The following PCDHA7 variants were observed in gnomAD, a reference collection of about 807,000 sequenced individuals.
The protein encoded by PCDHA7 is protocadherin alpha-7.
Under a neutral mutation model 57.2 loss-of-function variants are expected in PCDHA7, and 37 were observed. The ratio of observed to expected loss-of-function variants is 0.65; its 90% CI spans 0.50 to 0.85. PCDHA7 has a LOEUF of 0.85. PCDHA7 is among the 40% of genes least tolerant of loss of function. The pLI, the probability that PCDHA7 is intolerant of heterozygous loss-of-function variation, is 0.00. For missense variants in PCDHA7, 1,188 were observed against 1,241.8 expected (o/e 0.96, Z 0.65); for synonymous variants, 553 against 558.8 (o/e 0.99, Z 0.15).
intron 1 of PCDHA7, chr5:140,856,542 C>T (rs1229307542): frequency 6.3e-7 from 1 of 1,598,136 alleles, no homozygotes; most frequent in Non-Finnish European, 8.6e-7. Flanking sequence ...GGAGAGAACG[C>T]ATTGCTTACT....
chr5:140,914,185 C>G (rs1183431482), intron 1 of PCDHA7, among the ~76,000 whole-genome samples: 1 of 152,130 alleles, frequency 6.6e-6, no homozygotes, highest in Non-Finnish European at 1.5e-5. Flanking sequence ...AATTCTCCAC[C>G]TATTATTGTA....
At position 140,978,930 on chromosome 5, in the gene PCDHA7, T is replaced by C; in HGVS notation, c.2356-19T>C. On this transcript the variant is annotated intron_variant, in intron 1 of 3. Transcript: ENST00000525929. ...TTGTCTTGTCATTTTAACAGAAAAC[T>C]CTCTTTGTGATTTTGCAGCCACGAC... 2 of 1,614,088 alleles carry C rather than the reference T, an allele frequency of 1.2e-6. No individual in the cohort carries two copies. Among genetic ancestry groups the C allele is most frequent in the South Asian group, 1.1e-5 (1 of 91,072 alleles).
At chr5:140,863,810 C>T (rs1554158466) in intron 1 of PCDHA7, 8 of 203,770 alleles carry the variant, frequency 3.9e-5, no homozygotes, top group South Asian at 2.6e-4. Context: ...ACCAGCCTGG[C>T]CAACATGGTG....
At chr5:140,914,809 T>G (rs532202561) in intron 1 of PCDHA7, among the ~76,000 whole-genome samples, 21 of 152,314 alleles carry the variant, frequency 1.4e-4, no homozygotes, top group African/African-American at 5.1e-4. Flanking sequence ...TGATGGCAAC[T>G]TAACAGACTG....
intron 1 of PCDHA7, among the ~76,000 whole-genome samples, chr5:140,903,944 A>G (rs1554191212): frequency 6.6e-6 from 1 of 152,192 alleles, no homozygotes; most frequent in African/African-American, 2.4e-5. Context: ...CCTCTTAAAT[A>G]CTGGAAAATT....
intron 1 of PCDHA7, among the ~76,000 whole-genome samples, chr5:140,947,645 A>AT (rs2094157342): frequency 6.6e-6 from 1 of 151,670 alleles, no homozygotes; most frequent in East Asian, 1.9e-4. Context: ...GTATGAACAT[A>AT]TATACCTCCA....
Position 140,835,445 on chromosome 5 carries a change from C to T in PCDHA7, c.1062C>T (p.Ser354=), listed in dbSNP as rs2150235847. ...NDNAPQLTLT[S]LSLPIPEDAQ... ...ATGCTCCACAGTTGACTCTCACTTC[C>T]CTGTCTCTCCCTATTCCAGAGGACG... Residue 354 remains serine (S), a synonymous_variant, in exon 1 of 4, where the codon TCC becomes TCT. Coordinates refer to ENST00000525929, the MANE Select transcript of PCDHA7 (RefSeq NM_018910.3). 6.2e-7 allele frequency: 1 copy of T among 1,613,864 alleles called. No individual in the cohort carries two copies. Among genetic ancestry groups the T allele is most frequent in the South Asian group, 1.1e-5 (1 of 91,072 alleles).
intron 1 of PCDHA7, among the ~76,000 whole-genome samples, chr5:140,953,569 C>G (rs246030): frequency 0.56 from 85,556 of 151,828 alleles, 24,725 homozygotes; most frequent in African/African-American, 0.69. Context: ...TTAGTGCCCT[C>G]CTCTCCCAAA....
chr5:140,877,222 T>A lies in PCDHA7; in HGVS notation c.2355+40484T>A, dbSNP rs199811254. On this transcript the variant is annotated intron_variant, in intron 1 of 3. Coordinates refer to ENST00000525929, the MANE Select transcript of PCDHA7 (RefSeq NM_018910.3). ...CGCAGTTAGCGAGTTGGTACCGCGG[T>A]CGGTGGGTGCGGGCCACGTGGTGGC... The A allele has an allele frequency of 2.3e-4, 370 of 1,613,680 alleles. 1 individual carries two copies. The highest frequency in any genetic ancestry group is 3.0e-4 in the Admixed American group (18 of 59,992).
intron 1 of PCDHA7, chr5:140,856,583 C>T: frequency 1.9e-6 from 3 of 1,597,002 alleles, no homozygotes; most frequent in Non-Finnish European, 2.6e-6. Flanking sequence ...GTATTTTGTT[C>T]TTGATATTAT....
chr5:140,941,191 T>TTTCTTTCTTTCTTTCTTTCTTTC (rs1487503403), intron 1 of PCDHA7, among the ~76,000 whole-genome samples: 1 of 93,206 alleles, frequency 1.1e-5, no homozygotes, highest in South Asian at 2.8e-4. Flanking sequence ...GCTTCTTTTT[T>TTTCTTTCTTTCTTTCTTTCTTTC]TTTCTTTCTT....
intron 1 of PCDHA7, among the ~76,000 whole-genome samples, chr5:140,915,680 A>G (rs2077249777): frequency 6.6e-6 from 1 of 150,862 alleles, no homozygotes; most frequent in South Asian, 2.1e-4. Context: ...ATCTTGAACT[A>G]GGGGTATGGT....
intron 1 of PCDHA7, chr5:140,968,679 A>T: frequency 6.2e-7 from 1 of 1,614,176 alleles, no homozygotes; most frequent in South Asian, 1.1e-5. Flanking sequence ...GTAGAGCTGC[A>T]CACAGGAGAA....
chr5:140,836,283 A>C lies in PCDHA7; in HGVS notation c.1900A>C (p.Thr634Pro). 1 of 1,613,716 alleles carries C rather than the reference A, an allele frequency of 6.2e-7. No homozygotes were observed. The highest frequency in any genetic ancestry group is 8.5e-7 in the Non-Finnish European group (1 of 1,179,790). ...GCTGTACACTGGTGAGATCAGCACG[A>C]CACGAGCCCTAGATGAGACGGACGC... The part of the protein sequence containing the change: ...VGLYTGEIST[T>P]RALDETDAPR... Residue 634 changes from threonine to proline, a missense_variant, in exon 1 of 4, where the codon ACA becomes CCA. By Grantham distance (38) the Thr-to-Pro change is conservative. Transcript: ENST00000525929.
At position 140,869,428 on chromosome 5, in the gene PCDHA7, A is replaced by G. The variant is rs781860422; in HGVS notation, c.2355+32690A>G. The G allele has an allele frequency of 9.3e-6, 15 of 1,614,214 alleles. No individual in the cohort carries two copies. In the South Asian group the frequency reaches 1.6e-4, roughly 18 times the overall value. On this transcript the variant is annotated intron_variant, in intron 1 of 3. Transcript: ENST00000525929. The stretch of plus-strand genomic sequence containing the variant: ...GGAGTGCAGCATCCACCTGGAGGTG[A>G]TCGTGGACAGGCCGCTGCAGGTTTT...
rs147047116 is a variant in PCDHA7, at chr5:140,937,713, C to T, written c.2356-41236C>T. Among the ~76,000 whole-genome samples the T allele has an allele frequency of 7.0e-4, 107 of 151,998 alleles. No homozygotes were observed. The East Asian group carries it at 0.02, about 28-fold the overall frequency. On this transcript the variant is annotated intron_variant, in intron 1 of 3. Transcript: ENST00000525929. The stretch of plus-strand genomic sequence containing the variant: ...GGATCACGAGGTCAGGAGATCAAGA[C>T]CATCCTGGCTAACACGGTGAAACCC...
chr5:140,927,536 G>A (rs1227240979), intron 1 of PCDHA7: 3 of 1,614,138 alleles, frequency 1.9e-6, no homozygotes, highest in Non-Finnish European at 2.5e-6. Context: ...GCCCGCTCAG[G>A]AGACGCACAA....
At chr5:140,856,384 G>C (rs202075661) in intron 1 of PCDHA7, 1 of 1,598,540 alleles carries the variant, frequency 6.3e-7, no homozygotes, top group African/African-American at 1.3e-5. Flanking sequence ...TGGACAGGCC[G>C]CTGCAGGTTT....
rs189785800 is a variant in PCDHA7 at position 141,012,340 on chromosome 5, G to A, written c.*2403G>A. ...TTATTGCTAATAAATGAAAATGGTG[G>A]TATGAAAGAAATGGTGGTCATTTCT... On this transcript the variant is annotated 3_prime_UTR_variant, in exon 4 of 4. Transcript: ENST00000525929. The A allele has an allele frequency of 3.6e-4, 55 of 153,812 alleles. No homozygotes were observed. The East Asian group carries it at 9.6e-3, about 27-fold the overall frequency. 9.5% of individuals were successfully genotyped at this position (153,812 alleles called of 1,614,324 possible).
Sources: allele counts gnomAD v4.1 joint callset (sites outside exome capture counted in the v4.1 genomes callset), GRCh38; gene constraint gnomAD v4.1.1; transcripts MANE v1.5; gene names NCBI Gene and HGNC (gene_info 2026-07-23, HGNC 2026-07-21).